Variants in NSD1 observed in about 807,000 individuals in gnomAD.
NSD1 encodes nuclear receptor binding SET domain protein 1.
A neutral mutation model predicts 242.7 loss-of-function variants in NSD1; 26 were observed. The ratio of observed to expected loss-of-function variants is 0.11; its 90% CI spans 0.08 to 0.15. The LOEUF is 0.15. NSD1 is among the 10% of genes least tolerant of loss of function. The pLI, the probability that NSD1 is intolerant of heterozygous loss-of-function variation, is 1.00. For missense variants in NSD1, 2,495 were observed against 3,272.8 expected (o/e 0.76, Z 5.80); for synonymous variants, 1,106 against 1,178.1 (o/e 0.94, Z 1.25).
chr5:177,164,740 T>TC (rs1234721149), intron 2 of NSD1, among the ~76,000 whole-genome samples: 1 of 151,848 alleles, frequency 6.6e-6, no homozygotes, highest in African/African-American at 2.4e-5. Context: ...GGTCAGAAGT[T>TC]CAAGACCAGC....
At chr5:177,209,209 A>G (rs1205989739) in intron 4 of NSD1, among the ~76,000 whole-genome samples, 1 of 151,984 alleles carries the variant, frequency 6.6e-6, no homozygotes, top group South Asian at 2.1e-4. Flanking sequence ...CCATAAAAGC[A>G]GGAGGCCTGA....
At chr5:177,229,168 C>T (rs1764864329) in intron 5 of NSD1, among the ~76,000 whole-genome samples, 1 of 150,270 alleles carries the variant, frequency 6.7e-6, no homozygotes, top group Non-Finnish European at 1.5e-5. Flanking sequence ...TTTATTTATT[C>T]ATTCATTCAT....
At chr5:177,136,806 G>GTTTTA (rs1187640751) in intron 2 of NSD1, 15 of 597,804 alleles carry the variant, frequency 2.5e-5, no homozygotes, top group African/African-American at 3.7e-5. Flanking sequence ...GTTTTGTTTT[G>GTTTTA]TTTTATTTTA....
intron 2 of NSD1, among the ~76,000 whole-genome samples, chr5:177,149,073 C>T (rs1360048346): frequency 6.6e-6 from 1 of 152,124 alleles, no homozygotes; most frequent in Non-Finnish European, 1.5e-5. Flanking sequence ...CCCATCTTGG[C>T]TTCCCAAAGT....
chr5:177,240,539 C>T (rs989475862), intron 8 of NSD1, among the ~76,000 whole-genome samples: 1 of 151,962 alleles, frequency 6.6e-6, no homozygotes, highest in East Asian at 1.9e-4. Context: ...TGGAGAAACC[C>T]CCTCTCTACT....
At position 177,214,838 on chromosome 5, in the gene NSD1, T is replaced by C. The variant is rs569588604; in HGVS notation, c.3796+2643T>C. The stretch of plus-strand genomic sequence containing the variant: ...CCTCAGCCTCCTAAGTAGCTTGGAC[T>C]ACAGGCACATGCCACCATGCCTGGC... On this transcript the variant is annotated intron_variant, in intron 5 of 22. Coordinates refer to ENST00000439151, the MANE Select transcript of NSD1 (RefSeq NM_022455.5). Among the ~76,000 whole-genome samples the C allele has an allele frequency of 4.7e-4, 72 of 152,174 alleles. 3 individuals are homozygous for C. In the South Asian group the frequency reaches 0.015, roughly 31 times the overall value.
intron 13 of NSD1, among the ~76,000 whole-genome samples, chr5:177,259,399 C>T (rs1056185478): frequency 1.3e-5 from 2 of 152,148 alleles, no homozygotes; most frequent in African/African-American, 4.8e-5. Flanking sequence ...AGTGGGAAGA[C>T]TGTTTGAGCA....
chr5:177,266,083 G>T, intron 14 of NSD1: 1 of 1,124,208 alleles, frequency 8.9e-7, no homozygotes, highest in East Asian at 2.4e-5. Context: ...GCCGGTCCTC[G>T]GTGGCCGTCA....
At chr5:177,157,956 G>A (rs1199613727) in intron 2 of NSD1, among the ~76,000 whole-genome samples, 1 of 152,160 alleles carries the variant, frequency 6.6e-6, no homozygotes, top group Non-Finnish European at 1.5e-5. Context: ...TTTTACTGCT[G>A]AATATTGCTT....
upstream of NSD1, among the ~76,000 whole-genome samples, chr5:177,132,827 G>C (rs1755968043): frequency 6.6e-6 from 1 of 152,082 alleles, no homozygotes; most frequent in South Asian, 2.1e-4. The surrounding 1 kb of genome is among the most constrained non-coding windows in gnomAD (Gnocchi z 7.5). Flanking sequence ...GAAGGGAAGG[G>C]GTGGTGGGTG....
intron 6 of NSD1, among the ~76,000 whole-genome samples, chr5:177,237,658 G>A (rs1020559411): frequency 5.4e-5 from 8 of 148,936 alleles, no homozygotes; most frequent in African/African-American, 2.0e-4. Context: ...TCAGCCTCCC[G>A]AGTAGCTGGG....
At chr5:177,145,000 G>T (rs908999376) in intron 2 of NSD1, among the ~76,000 whole-genome samples, 3 of 150,898 alleles carry the variant, frequency 2.0e-5, no homozygotes, top group African/African-American at 7.3e-5. Flanking sequence ...CAGGAGGATC[G>T]CTTGAACCCA....
At chr5:177,187,241 A>G (rs1416826165) in intron 2 of NSD1, among the ~76,000 whole-genome samples, 1 of 150,900 alleles carries the variant, frequency 6.6e-6, no homozygotes, top group African/African-American at 2.4e-5. Flanking sequence ...AGTAGCTGGG[A>G]TTACAGGCAC....
intron 5 of NSD1, among the ~76,000 whole-genome samples, chr5:177,221,319 C>T (rs1764218333): frequency 6.6e-6 from 1 of 150,554 alleles, no homozygotes; most frequent in African/African-American, 2.4e-5. Context: ...TTTTAATTGA[C>T]ATACTTTGTT....
intron 2 of NSD1, among the ~76,000 whole-genome samples, chr5:177,149,113 C>G (rs1021101611): frequency 6.6e-6 from 1 of 152,174 alleles, no homozygotes; most frequent in Non-Finnish European, 1.5e-5. Flanking sequence ...GCCATTGCAC[C>G]TGGCCGAGTG....
chr5:177,269,833 G>T lies in NSD1; in HGVS notation c.5509+26G>T. Reference sequence around the variant, plus strand: ...GTAACTTTATCCTTTTTGTTTCTCAGGCAAACACAGACCTCTGTTACCTGA... The same window carrying T: ...GTAACTTTATCCTTTTTGTTTCTCATGCAAACACAGACCTCTGTTACCTGA... On this transcript the variant is annotated intron_variant, in intron 16 of 22. Transcript: ENST00000439151. The surrounding 1 kb of genome is among the most constrained non-coding windows in gnomAD (Gnocchi z 5.1). The T allele has an allele frequency of 6.3e-7, 1 of 1,585,288 alleles. No homozygotes were observed. Among genetic ancestry groups the T allele is most frequent in the South Asian group, 1.1e-5 (1 of 88,616 alleles).
intron 5 of NSD1, among the ~76,000 whole-genome samples, chr5:177,227,469 T>A (rs1000239371): frequency 1.3e-5 from 2 of 152,132 alleles, no homozygotes; most frequent in Admixed American, 6.6e-5. Flanking sequence ...TATTATTATT[T>A]TTAGACAGAG....
At chr5:177,280,423 T>A in intron 17 of NSD1, 142 bp from the exon 18 acceptor site, 2 of 929,066 alleles carry the variant, frequency 2.2e-6, no homozygotes, top group Non-Finnish European at 3.5e-6. Flanking sequence ...AGGCTCTGTT[T>A]TTATATGAAA....
At position 177,294,286 on chromosome 5, in the gene NSD1, C is replaced by G. The variant is rs746531590; in HGVS notation, c.6918C>G (p.Ser2306=). ...ACCTCGCTGGGTCAGGGACCAAATC[C>G]CAATCCTTGGTTTCCAGCCAGAGGC... The part of the protein sequence containing the change: ...VRDLAGSGTK[S]QSLVSSQRPL... The change falls in exon 23 of 23, where the codon TCC becomes TCG. Residue 2306 remains serine, a synonymous_variant. Transcript: ENST00000439151. The G allele has an allele frequency of 1.2e-6, 2 of 1,613,536 alleles. No individual in the cohort carries two copies. Among genetic ancestry groups the G allele is most frequent in the Admixed American group, 3.3e-5 (2 of 60,008 alleles).
Sources: gnomAD v4.1 joint callset for allele counts (sites outside exome capture counted in the v4.1 genomes callset) on GRCh38, gnomAD v4.1.1 for gene constraint, Gnocchi (gnomAD v3.1) non-coding constraint, MANE v1.5 for transcripts, NCBI Gene and HGNC (gene_info 2026-07-23, HGNC 2026-07-21) for gene names.